The following VPS13B variants were observed in gnomAD, a reference collection of about 807,000 sequenced individuals.
The protein encoded by VPS13B is intermembrane lipid transfer protein VPS13B.
VPS13B carries 285 observed loss-of-function variants against 426.4 expected under a neutral mutation model. That is an observed-to-expected ratio of 0.67 (90% CI 0.61 to 0.74). The LOEUF is 0.74. Ranked by LOEUF, VPS13B falls within the 30% of genes least tolerant of loss-of-function variation. The pLI is 0.00. For missense variants in VPS13B, 4,537 were observed against 4,782.6 expected (o/e 0.95, Z 1.51); for synonymous variants, 1,676 against 1,676.4 (o/e 1.00, Z 0.01).
At chr8:99,664,450 A>C (rs984611197) in intron 35 of VPS13B, among the ~76,000 whole-genome samples, 10 of 151,548 alleles carry the variant, frequency 6.6e-5, no homozygotes, top group Non-Finnish European at 1.5e-4. Context: ...TATATCTCCT[A>C]ATGCTATCCC....
chr8:99,867,545 C>T (rs555810056), intron 58 of VPS13B, among the ~76,000 whole-genome samples: 33 of 152,226 alleles, frequency 2.2e-4, no homozygotes, highest in African/African-American at 7.7e-4. Flanking sequence ...ATGGGATAAG[C>T]GAGTATCTTG....
intron 17 of VPS13B, among the ~76,000 whole-genome samples, chr8:99,200,274 A>C (rs1814229540): frequency 6.6e-6 from 1 of 152,114 alleles, no homozygotes; most frequent in South Asian, 2.1e-4. Flanking sequence ...TTTTATCCAT[A>C]TACCATATTT....
At chr8:99,240,252 A>G (rs1386983187) in intron 17 of VPS13B, among the ~76,000 whole-genome samples, 1 of 152,216 alleles carries the variant, frequency 6.6e-6, no homozygotes, top group African/African-American at 2.4e-5. Context: ...ATTTTAAAGA[A>G]TATTAATAAG....
chr8:99,807,423 T>A (rs1563925599), intron 43 of VPS13B, among the ~76,000 whole-genome samples: 1 of 124,936 alleles, frequency 8.0e-6, no homozygotes, highest in Non-Finnish European at 1.9e-5. Context: ...GCCTCATTAT[T>A]TTTTTTTTTT....
chr8:99,346,666 CA>C, intron 19 of VPS13B: 1 of 178,664 alleles, frequency 5.6e-6, no homozygotes, highest in Non-Finnish European at 1.2e-5. Flanking sequence ...TCCCACTTGT[CA>C]AAAGGCTCCA....
chr8:99,748,238 A>C (rs1810197052), intron 39 of VPS13B, among the ~76,000 whole-genome samples: 1 of 152,058 alleles, frequency 6.6e-6, no homozygotes, highest in African/African-American at 2.4e-5. Context: ...GTAACAGGAC[A>C]CAGGTTACCA....
At chr8:99,374,257 T>A (rs941808168) in intron 19 of VPS13B, among the ~76,000 whole-genome samples, 1 of 151,842 alleles carries the variant, frequency 6.6e-6, no homozygotes, top group Non-Finnish European at 1.5e-5. Flanking sequence ...TTTTATTTAT[T>A]CTTCTTGGGG....
chr8:99,467,346 C>A, intron 23 of VPS13B, 68 bp from the exon 24 acceptor site: 1 of 1,442,366 alleles, frequency 6.9e-7, no homozygotes, highest in Non-Finnish European at 9.7e-7. Context: ...TTACATTTTA[C>A]TATCAAGTGA....
chr8:99,341,896 G>C (rs1177080360), intron 19 of VPS13B: 1 of 162,840 alleles, frequency 6.1e-6, no homozygotes, highest in Non-Finnish European at 1.3e-5. Flanking sequence ...ACCGCAGCCT[G>C]GCCTGGACAG....
intron 2 of VPS13B, among the ~76,000 whole-genome samples, chr8:99,014,246 T>A (rs2132127734): frequency 6.7e-6 from 1 of 149,304 alleles, no homozygotes; most frequent in East Asian, 2.1e-4. Context: ...GCCTCCCTAA[T>A]AGCTGGGATT....
chr8:99,065,789 A>G (rs1271912266), intron 3 of VPS13B, among the ~76,000 whole-genome samples: 2 of 152,246 alleles, frequency 1.3e-5, no homozygotes, highest in East Asian at 1.9e-4. Flanking sequence ...CCTTAAGCTG[A>G]TAAGCAACTT....
At chr8:99,837,433 A>C (rs1008827943) in intron 54 of VPS13B, among the ~76,000 whole-genome samples, 1 of 152,174 alleles carries the variant, frequency 6.6e-6, no homozygotes, top group Non-Finnish European at 1.5e-5. Context: ...ACTCCCCTGC[A>C]TGGGTTTGAA....
chr8:99,591,163 CCTT>C (rs1163310372), intron 33 of VPS13B, among the ~76,000 whole-genome samples: 1 of 127,354 alleles, frequency 7.9e-6, no homozygotes, highest in Non-Finnish European at 1.7e-5. Context: ...TGCAACCGCT[CCTT>C]TTTTTTTTTT....
intron 33 of VPS13B, among the ~76,000 whole-genome samples, chr8:99,580,581 G>A (rs986510893): frequency 6.6e-6 from 1 of 152,076 alleles, no homozygotes; most frequent in Non-Finnish European, 1.5e-5. Flanking sequence ...TGGGTGCCTA[G>A]TGGCTCACAC....
intron 23 of VPS13B, among the ~76,000 whole-genome samples, chr8:99,453,026 A>T (rs1352431417): frequency 6.6e-6 from 1 of 152,218 alleles, no homozygotes; most frequent in Non-Finnish European, 1.5e-5. Flanking sequence ...TGTGACTTTT[A>T]TAAAATATTT....
chr8:99,485,017 C>G (rs1213486234), intron 25 of VPS13B, among the ~76,000 whole-genome samples: 1 of 152,102 alleles, frequency 6.6e-6, no homozygotes, highest in Admixed American at 6.6e-5. Flanking sequence ...TTTAGTGAGT[C>G]TTCATTTTAT....
At chr8:99,056,217 C>G (rs143862593) in intron 3 of VPS13B, among the ~76,000 whole-genome samples, 1 of 151,830 alleles carries the variant, frequency 6.6e-6, no homozygotes, top group Admixed American at 6.6e-5. Flanking sequence ...CCACTATGCC[C>G]GGCTAATTTT....
intron 19 of VPS13B, among the ~76,000 whole-genome samples, chr8:99,311,110 C>CA (rs1820944769): frequency 6.6e-6 from 1 of 151,986 alleles, no homozygotes; most frequent in Admixed American, 6.6e-5. Context: ...TTGATCTTTT[C>CA]AAAAAACCAG....
intron 44 of VPS13B, among the ~76,000 whole-genome samples, chr8:99,813,156 C>T (rs1813815706): frequency 6.6e-6 from 1 of 152,190 alleles, no homozygotes; most frequent in African/African-American, 2.4e-5. Flanking sequence ...ACTGAGTGAC[C>T]ATTTTTGGAT....
Sources: gnomAD v4.1 joint callset for allele counts (sites outside exome capture counted in the v4.1 genomes callset) on GRCh38, gnomAD v4.1.1 for gene constraint, MANE v1.5 for transcripts, NCBI Gene and HGNC (gene_info 2026-07-23, HGNC 2026-07-21) for gene names.